DERA: variants seen among roughly 807,000 people sequenced by gnomAD.
The protein encoded by DERA is deoxyribose-phosphate aldolase, also known as 2-deoxy-D-ribose 5-phosphate aldolase.
A neutral mutation model predicts 41.1 loss-of-function variants in DERA; 15 were observed. The observed-to-expected ratio is 0.37, with a 90% CI of 0.24 to 0.56. The LOEUF (loss-of-function observed/expected upper bound fraction) is 0.56, where lower values mean the gene tolerates loss of function less well. Among genes scored for constraint, DERA ranks in the 20% least tolerant of loss-of-function variants. The pLI, the probability that DERA is intolerant of heterozygous loss-of-function variation, is 0.81. For synonymous variants in DERA, 139 were observed against 137.4 expected (o/e 1.01, Z -0.08); for missense variants, 396 against 403.4 (o/e 0.98, Z 0.16).
chr12:15,917,162 T>C (rs1241167660), intron 1 of DERA, among the ~76,000 whole-genome samples: 3 of 152,128 alleles, frequency 2.0e-5, no homozygotes, highest in Non-Finnish European at 2.9e-5. Context: ...ATAGAGGCCT[T>C]TAAATTTTGC....
Position 15,984,175 on chromosome 12 carries a change from T to C in DERA, c.637+1739T>C, listed in dbSNP as rs2136163582. On this transcript the variant is annotated intron_variant, in intron 6 of 8. Transcript: ENST00000428559. This position sits in a 1 kb window ranked among gnomAD's most constrained non-coding sequence, Gnocchi z 4.5. ...AGCTGAGATACTCCTCAGGGTCACA[T>C]CGGAGCCAATCTTGTGATACCTGTT... Among the ~76,000 whole-genome samples, 2 of 152,304 alleles carry C rather than the reference T, an allele frequency of 1.3e-5. No individual in the cohort carries two copies. Among genetic ancestry groups the C allele is most frequent in the East Asian group, 3.9e-4 (2 of 5,170 alleles).
In DERA at chr12:15,999,728, A is replaced by C. The variant is rs1406086086; in HGVS notation, c.637+17292A>C. Among the ~76,000 whole-genome samples the C allele has an allele frequency of 6.6e-6, 1 of 152,168 alleles. No individual in the cohort carries two copies. Among genetic ancestry groups the C allele is most frequent in the Non-Finnish European group, 1.5e-5 (1 of 68,032 alleles). On this transcript the variant is annotated intron_variant, in intron 6 of 8. Coordinates refer to ENST00000428559, the MANE Select transcript of DERA (RefSeq NM_015954.4). The surrounding 1 kb of genome is among the most constrained non-coding windows in gnomAD (Gnocchi z 5.3). ...AGTTTCGTGTTTGGGGGTACAGGAAATTTTTAGCCTGAGGAATGAATGATT... is the reference window on the plus strand; with the variant it reads ...AGTTTCGTGTTTGGGGGTACAGGAACTTTTTAGCCTGAGGAATGAATGATT...
chr12:16,005,941 A>T (rs955792169), intron 6 of DERA, among the ~76,000 whole-genome samples: 2 of 152,124 alleles, frequency 1.3e-5, no homozygotes, highest in Non-Finnish European at 2.9e-5. Flanking sequence ...ATTTTAGAAA[A>T]CCTTCCTTAC....
intron 1 of DERA, among the ~76,000 whole-genome samples, chr12:15,949,440 A>G (rs1035530538): frequency 7.2e-5 from 10 of 139,830 alleles, no homozygotes; most frequent in African/African-American, 2.6e-4. Context: ...TTGTAGTTTG[A>G]TCTCAGACTG....
intron 1 of DERA, among the ~76,000 whole-genome samples, chr12:15,953,440 G>A (rs1298305629): frequency 6.6e-6 from 1 of 152,072 alleles, no homozygotes. Context: ...TCTCCACTAC[G>A]ACTTGAACCA....
chr12:16,028,233 G>T (rs1949066398), intron 6 of DERA, among the ~76,000 whole-genome samples: 1 of 152,134 alleles, frequency 6.6e-6, no homozygotes, highest in African/African-American at 2.4e-5. Context: ...TCTAGTCTCA[G>T]AAAGTAAGTG....
Position 15,996,574 on chromosome 12 carries a change from C to A in DERA, c.637+14138C>A, listed in dbSNP as rs1181077244. On this transcript the variant is annotated intron_variant, in intron 6 of 8. Coordinates refer to ENST00000428559, the MANE Select transcript of DERA (RefSeq NM_015954.4). This position sits in a 1 kb window ranked among gnomAD's most constrained non-coding sequence, Gnocchi z 4.7. Reference sequence around the variant, plus strand: ...AGGAAACCAGTAATGTAATGGCCCACCTTACTCAGTATGACCTTATCTTAA... The same window carrying A: ...AGGAAACCAGTAATGTAATGGCCCAACTTACTCAGTATGACCTTATCTTAA... Among the ~76,000 whole-genome samples, 3 of 152,154 alleles carry A rather than the reference C, an allele frequency of 2.0e-5. No individual in the cohort carries two copies. The highest frequency in any genetic ancestry group is 7.2e-5 in the African/African-American group (3 of 41,418).
At chr12:16,018,570 T>C (rs763242250) in intron 6 of DERA, among the ~76,000 whole-genome samples, 1 of 152,154 alleles carries the variant, frequency 6.6e-6, no homozygotes, top group Non-Finnish European at 1.5e-5. Context: ...AGAATTAAAA[T>C]TTCATCTTCT....
rs1201176426 is a variant in DERA, at chr12:16,031,613, TGA to T, written c.638-928_638-927del. ...GACTATTTCAGGGCCTTGTAACACG[TGA>T]AAGAGGTATTCTTTGTTTGGGTATC... On this transcript the variant is annotated intron_variant, in intron 6 of 8. Coordinates refer to ENST00000428559, the MANE Select transcript of DERA (RefSeq NM_015954.4). Among the ~76,000 whole-genome samples the T allele has an allele frequency of 1.6e-4, 24 of 152,222 alleles. 1 individual carries two copies. Among genetic ancestry groups the T allele is most frequent in the Admixed American group, 1.4e-3 (21 of 15,278 alleles).
chr12:16,025,262 T>A (rs1252903455), intron 6 of DERA, among the ~76,000 whole-genome samples: 1 of 152,072 alleles, frequency 6.6e-6, no homozygotes, highest in Non-Finnish European at 1.5e-5. Context: ...AATTAGAAGA[T>A]AGAGATGATA....
chr12:15,926,561 A>C (rs112176411), intron 1 of DERA, among the ~76,000 whole-genome samples: 6,161 of 151,456 alleles, frequency 0.041, 436 homozygotes, highest in African/African-American at 0.14. Flanking sequence ...ACGGTGAAAC[A>C]GCGTCTCTAC....
At chr12:15,912,934 C>T (rs1391581214) in intron 1 of DERA, among the ~76,000 whole-genome samples, 3 of 152,118 alleles carry the variant, frequency 2.0e-5, no homozygotes, top group Non-Finnish European at 2.9e-5. Context: ...AAACTCTAGT[C>T]CTATCTCTGG....
chr12:15,954,514 C>T lies in DERA; in HGVS notation c.32-2422C>T, dbSNP rs779058579. On this transcript the variant is annotated intron_variant, in intron 1 of 8. Transcript: ENST00000428559. The surrounding 1 kb of genome is among the most constrained non-coding windows in gnomAD (Gnocchi z 4.0). ...AAAGGATGAGCAGCAGTTCACTGTT[C>T]GCAAAGCAGGGAGGGCATTCTTGGT... is the stretch of plus-strand genomic sequence containing the variant. Among the ~76,000 whole-genome samples the T allele has an allele frequency of 2.6e-5, 4 of 152,146 alleles. No individual in the cohort carries two copies. The highest frequency in any genetic ancestry group is 1.3e-4 in the Admixed American group (2 of 15,274).
rs76951671 is a variant in DERA at position 16,027,249 on chromosome 12, C to G, written c.638-5293C>G. On this transcript the variant is annotated intron_variant, in intron 6 of 8. Coordinates refer to ENST00000428559, the MANE Select transcript of DERA (RefSeq NM_015954.4). Reference sequence around the variant, plus strand: ...CTTAAGGATAAGGCAAGGATATTCTCTCTTACCACTGCTATTCAACATTGT... The same window carrying G: ...CTTAAGGATAAGGCAAGGATATTCTGTCTTACCACTGCTATTCAACATTGT... Among the ~76,000 whole-genome samples the G allele has an allele frequency of 8.4e-3, 1,277 of 152,350 alleles. 13 individuals are homozygous for G. The highest frequency in any genetic ancestry group is 0.042 in the East Asian group (217 of 5,182).
Position 16,017,833 on chromosome 12 carries a change from G to A in DERA, c.638-14709G>A, listed in dbSNP as rs1053847069. ...AGAAAACATGATGCTAATGAATAAT[G>A]TACCCAAAAGCTCTTATTATAGGGT... is the stretch of plus-strand genomic sequence containing the variant. On this transcript the variant is annotated intron_variant, in intron 6 of 8. Coordinates refer to ENST00000428559, the MANE Select transcript of DERA (RefSeq NM_015954.4). The surrounding 1 kb of genome is among the most constrained non-coding windows in gnomAD (Gnocchi z 5.5). 6.6e-6 allele frequency among the ~76,000 whole-genome samples: 1 copy of A among 152,162 alleles called. No homozygotes were observed. Among genetic ancestry groups the A allele is most frequent in the African/African-American group, 2.4e-5 (1 of 41,442 alleles).
At position 16,019,169 on chromosome 12, in the gene DERA, G is replaced by A. The variant is rs907791083; in HGVS notation, c.638-13373G>A. On this transcript the variant is annotated intron_variant, in intron 6 of 8. Transcript: ENST00000428559. This position sits in a 1 kb window ranked among gnomAD's most constrained non-coding sequence, Gnocchi z 4.4. Reference sequence around the variant, plus strand: ...TGTTAAAATGAGAAGTAAAACAAAAGTGTGTCCTACTTAGTCCCATTGGAA... The same window carrying A: ...TGTTAAAATGAGAAGTAAAACAAAAATGTGTCCTACTTAGTCCCATTGGAA... Among the ~76,000 whole-genome samples the A allele has an allele frequency of 3.9e-5, 6 of 152,196 alleles. No homozygotes were observed. Among genetic ancestry groups the A allele is most frequent in the African/African-American group, 1.2e-4 (5 of 41,466 alleles).
chr12:15,929,192 C>G (rs1450470508), intron 1 of DERA, among the ~76,000 whole-genome samples: 2 of 152,240 alleles, frequency 1.3e-5, no homozygotes, highest in South Asian at 4.1e-4. Context: ...GTGGGTACAT[C>G]TAAGGACTCC....
At chr12:16,005,943 C>T (rs1294423671) in intron 6 of DERA, among the ~76,000 whole-genome samples, 3 of 152,130 alleles carry the variant, frequency 2.0e-5, no homozygotes, top group Non-Finnish European at 4.4e-5. Flanking sequence ...TTTAGAAAAC[C>T]TTCCTTACAA....
intron 1 of DERA, among the ~76,000 whole-genome samples, chr12:15,951,129 C>T (rs951164446): frequency 6.6e-6 from 1 of 152,178 alleles, no homozygotes; most frequent in Non-Finnish European, 1.5e-5. Context: ...GAATGTTGGC[C>T]CAGGGACAGT....
Sources: gnomAD v4.1 joint callset for allele counts (sites outside exome capture counted in the v4.1 genomes callset) on GRCh38, gnomAD v4.1.1 for gene constraint, Gnocchi (gnomAD v3.1) non-coding constraint, MANE v1.5 for transcripts, NCBI Gene and HGNC (gene_info 2026-07-23, HGNC 2026-07-21) for gene names.